GRM3: variants seen among roughly 807,000 people sequenced by gnomAD.
The protein encoded by GRM3 is metabotropic glutamate receptor 3.
A neutral mutation model predicts 70.5 loss-of-function variants in GRM3; 26 were observed. The ratio of observed to expected loss-of-function variants is 0.37; its 90% CI spans 0.27 to 0.51. The LOEUF (loss-of-function observed/expected upper bound fraction) is 0.51. Among genes scored for constraint, GRM3 ranks in the 20% least tolerant of loss-of-function variants. The probability of loss-of-function intolerance (pLI) is 0.93; values close to 1 mark genes in which losing one functional copy is unlikely to be tolerated. For missense variants in GRM3, 859 were observed against 1,123.8 expected (o/e 0.76, Z 3.37); for synonymous variants, 443 against 434.9 (o/e 1.02, Z -0.23).
At chr7:86,708,498 C>T (rs1295891438) in intron 1 of GRM3, among the ~76,000 whole-genome samples, 2 of 152,160 alleles carry the variant, frequency 1.3e-5, no homozygotes, top group African/African-American at 4.8e-5. Context: ...GAGAGACCAG[C>T]CCCTGCTGGC....
At chr7:86,823,055 C>G (rs916570435) in intron 3 of GRM3, among the ~76,000 whole-genome samples, 2 of 152,016 alleles carry the variant, frequency 1.3e-5, no homozygotes, top group Non-Finnish European at 2.9e-5. Context: ...GCTGTGGTAC[C>G]TTAGACGTTT....
At chr7:86,663,199 GAA>G (rs1327601357) in intron 1 of GRM3, among the ~76,000 whole-genome samples, 1 of 151,806 alleles carries the variant, frequency 6.6e-6, no homozygotes, top group Non-Finnish European at 1.5e-5. Flanking sequence ...GTTACACCTA[GAA>G]GTTACAGTCC....
chr7:86,744,096 C>G (rs1316861425), intron 1 of GRM3, among the ~76,000 whole-genome samples: 1 of 152,096 alleles, frequency 6.6e-6, no homozygotes, highest in African/African-American at 2.4e-5. Context: ...TCTAGCTCCT[C>G]TCCTTATGAA....
At chr7:86,753,294 A>G (rs1288255079) in intron 1 of GRM3, among the ~76,000 whole-genome samples, 1 of 152,156 alleles carries the variant, frequency 6.6e-6, no homozygotes, top group Non-Finnish European at 1.5e-5. Flanking sequence ...ATCCTAAAAA[A>G]ACATGAAATA....
intron 1 of GRM3, among the ~76,000 whole-genome samples, chr7:86,741,411 G>A (rs1172391961): frequency 6.6e-6 from 1 of 152,142 alleles, no homozygotes; most frequent in Non-Finnish European, 1.5e-5. Context: ...GCTCTCAGGT[G>A]GATCTTCCAC....
chr7:86,686,610 C>T (rs1266055569), intron 1 of GRM3, among the ~76,000 whole-genome samples: 2 of 152,084 alleles, frequency 1.3e-5, no homozygotes. Flanking sequence ...ATGTAATCAG[C>T]CCTAACAAAG....
intron 4 of GRM3, among the ~76,000 whole-genome samples, chr7:86,844,425 A>G (rs1302840589): frequency 6.6e-6 from 1 of 152,226 alleles, no homozygotes; most frequent in Non-Finnish European, 1.5e-5. Flanking sequence ...GTGATTTGAT[A>G]TGAGAAATAG....
intron 1 of GRM3, among the ~76,000 whole-genome samples, chr7:86,658,706 G>A (rs534101847): frequency 6.6e-6 from 1 of 152,008 alleles, no homozygotes; most frequent in African/African-American, 2.4e-5. Flanking sequence ...ATTGAACAGG[G>A]GTTAATTAAC....
chr7:86,705,893 C>T (rs367801734), intron 1 of GRM3, among the ~76,000 whole-genome samples: 1 of 146,606 alleles, frequency 6.8e-6, no homozygotes, highest in Admixed American at 6.8e-5. Context: ...CAAGATTATG[C>T]TGATGAAGTT....
chr7:86,679,334 T>C (rs1794387427), intron 1 of GRM3, among the ~76,000 whole-genome samples: 1 of 152,064 alleles, frequency 6.6e-6, no homozygotes, highest in African/African-American at 2.4e-5. Context: ...TATAAAGAAC[T>C]ACACTTTTAA....
rs186615718 is a variant in GRM3 at position 86,814,618 on chromosome 7, T to C, written c.1325-24221T>C. On this transcript the variant is annotated intron_variant, in intron 3 of 5. Coordinates refer to ENST00000361669, the MANE Select transcript of GRM3 (RefSeq NM_000840.3). The stretch of plus-strand genomic sequence containing the variant: ...TTCTTCACTTTTTCTTGGAATTTTA[T>C]AGTGTCACTCTAACAAAGCTGAAGA... 3.9e-5 allele frequency among the ~76,000 whole-genome samples: 6 copies of C among 151,976 alleles called. No homozygotes were observed. In the East Asian group the frequency reaches 1.2e-3, roughly 29 times the overall value.
chr7:86,808,455 C>T (rs75624314), intron 3 of GRM3, among the ~76,000 whole-genome samples: 8,080 of 151,916 alleles, frequency 0.053, 690 homozygotes, highest in African/African-American at 0.18. Flanking sequence ...GAAGCGAAAC[C>T]TAGCAATGGC....
intron 1 of GRM3, among the ~76,000 whole-genome samples, chr7:86,672,545 C>T (rs1794197625): frequency 6.6e-6 from 1 of 152,106 alleles, no homozygotes. Context: ...TGCCTTTCCT[C>T]CAGATACGAC....
At chr7:86,808,074 C>T (rs974483129) in intron 3 of GRM3, among the ~76,000 whole-genome samples, 1 of 152,152 alleles carries the variant, frequency 6.6e-6, no homozygotes. Context: ...TTGAACCAGC[C>T]TTGCATCCCA....
chr7:86,827,716 G>A (rs1798266086), intron 3 of GRM3, among the ~76,000 whole-genome samples: 1 of 152,122 alleles, frequency 6.6e-6, no homozygotes, highest in Non-Finnish European at 1.5e-5. Context: ...GTTTCACTAT[G>A]TTGGCCAGGC....
chr7:86,706,273 C>A (rs17607448), intron 1 of GRM3, among the ~76,000 whole-genome samples: 14,258 of 151,998 alleles, frequency 0.094, 758 homozygotes, highest in South Asian at 0.15. Flanking sequence ...AGAGCCCATC[C>A]TTTTTCACAA....
chr7:86,660,568 C>T (rs1170848508), intron 1 of GRM3, among the ~76,000 whole-genome samples: 1 of 151,994 alleles, frequency 6.6e-6, no homozygotes, highest in East Asian at 1.9e-4. Context: ...CATCAGAATT[C>T]TGACTGCAAT....
chr7:86,783,226 T>C (rs886254552), intron 2 of GRM3, among the ~76,000 whole-genome samples: 1 of 152,206 alleles, frequency 6.6e-6, no homozygotes, highest in African/African-American at 2.4e-5. Context: ...GTGTATACCA[T>C]AATATTGCTT....
At chr7:86,753,327 T>C (rs1001561909) in intron 1 of GRM3, among the ~76,000 whole-genome samples, 11 of 152,186 alleles carry the variant, frequency 7.2e-5, no homozygotes, top group Non-Finnish European at 1.3e-4. Flanking sequence ...GTCTTCATTT[T>C]ACACATATAT....
Sources: gnomAD v4.1 joint callset for allele counts (sites outside exome capture counted in the v4.1 genomes callset) on GRCh38, gnomAD v4.1.1 for gene constraint, MANE v1.5 for transcripts, NCBI Gene and HGNC (gene_info 2026-07-23, HGNC 2026-07-21) for gene names.